The following CLDN10 variants were observed in gnomAD, a reference collection of about 807,000 sequenced individuals.
CLDN10 encodes claudin 10.
Under a neutral mutation model 22.9 loss-of-function variants are expected in CLDN10, and 15 were observed. The ratio of observed to expected loss-of-function variants is 0.65; its 90% CI spans 0.44 to 1.01. CLDN10 has a LOEUF of 1.01. Among genes scored for constraint, CLDN10 ranks in the 50% least tolerant of loss-of-function variants. The pLI is 0.00. For synonymous variants in CLDN10, 114 were observed against 111.4 expected, an observed-to-expected ratio of 1.02 and a Z score of -0.15; for missense variants, 247 against 287.8, an observed-to-expected ratio of 0.86 and a Z score of 1.03.
chr13:95,489,585 T>G (rs1226817370), intron 1 of CLDN10, among the ~76,000 whole-genome samples: 1 of 152,136 alleles, frequency 6.6e-6, no homozygotes, highest in Non-Finnish European at 1.5e-5. Context: ...TTTTTCTTAC[T>G]CATTTGAGCT....
At position 95,511,989 on chromosome 13, in the gene CLDN10, T is replaced by TC. The variant is rs1301187341; in HGVS notation, c.215-48135dup. Among the ~76,000 whole-genome samples, 16 of 132,806 alleles carry TC rather than the reference T, an allele frequency of 1.2e-4. 1 individual carries two copies. Among genetic ancestry groups the TC allele is most frequent in the South Asian group, 2.5e-4 (1 of 4,078 alleles). The allele number at this position is 132,806 out of a possible 152,430, so 87.1% of individuals were successfully genotyped here. Reference sequence around the variant, plus strand: ...ACATTAGGTATATCTCCTAATGCTATCCCCCCCCTCTCCCCCCACCCCACA... The same window carrying TC: ...ACATTAGGTATATCTCCTAATGCTATCCCCCCCCCTCTCCCCCCACCCCACA... On this transcript the variant is annotated intron_variant, in intron 1 of 4. Coordinates refer to the CLDN10 transcript ENST00000376873.
At chr13:95,435,050 T>C (rs2139057308) in intron 1 of CLDN10, among the ~76,000 whole-genome samples, 1 of 152,324 alleles carries the variant, frequency 6.6e-6, no homozygotes, top group African/African-American at 2.4e-5. Flanking sequence ...GCTTTCATCG[T>C]TGTGCATATT....
chr13:95,552,310 C>G (rs1277524147), upstream of CLDN10, among the ~76,000 whole-genome samples: 4 of 136,656 alleles, frequency 2.9e-5, no homozygotes, highest in African/African-American at 5.4e-5. Context: ...ATGCAAAAGG[C>G]TTTTCCTGCT....
intron 1 of CLDN10, among the ~76,000 whole-genome samples, chr13:95,449,761 T>TTTTTTA: frequency 6.7e-6 from 1 of 149,980 alleles, no homozygotes; most frequent in East Asian, 2.0e-4. Context: ...TTTTTCTTTT[T>TTTTTTA]GAGGCAGAAT....
intron 1 of CLDN10, among the ~76,000 whole-genome samples, chr13:95,544,236 A>G (rs947108795): frequency 6.6e-6 from 1 of 152,256 alleles, no homozygotes; most frequent in African/African-American, 2.4e-5. Context: ...AGTCAAGAAT[A>G]AACAGAGTAT....
At chr13:95,577,392 C>A in intron 4 of CLDN10, 54 bp downstream of exon 4, 3 of 1,109,724 alleles carry the variant, frequency 2.7e-6, no homozygotes, top group South Asian at 2.5e-5. Flanking sequence ...TATCATAAAT[C>A]ATTACATGTG....
At chr13:95,504,137 C>A (rs2043013583) in intron 1 of CLDN10, among the ~76,000 whole-genome samples, 1 of 152,150 alleles carries the variant, frequency 6.6e-6, no homozygotes, top group South Asian at 2.1e-4. Flanking sequence ...GCCAGCCAAG[C>A]AAGCAAATAT....
intron 1 of CLDN10, among the ~76,000 whole-genome samples, chr13:95,521,169 C>A (rs1283646966): frequency 1.3e-5 from 2 of 151,982 alleles, no homozygotes; most frequent in African/African-American, 2.4e-5. Flanking sequence ...GTTCTTATAC[C>A]ATTTGTTTCT....
intron 1 of CLDN10, among the ~76,000 whole-genome samples, chr13:95,516,334 G>A (rs1460479410): frequency 2.6e-5 from 4 of 152,232 alleles, no homozygotes; most frequent in African/African-American, 4.8e-5. Context: ...CAGCATTGAA[G>A]TCCAACTCTT....
chr13:95,500,150 A>G (rs773584882), intron 1 of CLDN10, among the ~76,000 whole-genome samples: 20 of 152,126 alleles, frequency 1.3e-4, no homozygotes, highest in Non-Finnish European at 1.9e-4. Context: ...TTGAGAATAT[A>G]TCCTCGAATA....
intron 1 of CLDN10, among the ~76,000 whole-genome samples, chr13:95,542,887 C>T (rs1019542428): frequency 2.6e-5 from 4 of 152,160 alleles, no homozygotes; most frequent in African/African-American, 9.7e-5. Context: ...CTCACACTCA[C>T]ATTTGTCCAG....
At chr13:95,559,614 C>T (rs1052165811) in intron 1 of CLDN10, among the ~76,000 whole-genome samples, 4 of 152,134 alleles carry the variant, frequency 2.6e-5, no homozygotes, top group Non-Finnish European at 5.9e-5. Flanking sequence ...AGGTTTGACC[C>T]TTTGGATCTC....
At chr13:95,492,479 C>G (rs1358854445) in intron 1 of CLDN10, among the ~76,000 whole-genome samples, 3 of 152,086 alleles carry the variant, frequency 2.0e-5, no homozygotes, top group African/African-American at 4.8e-5. Flanking sequence ...CACCCAGCTC[C>G]CACAGAAACC....
intron 1 of CLDN10, among the ~76,000 whole-genome samples, chr13:95,469,488 G>C (rs938730687): frequency 2.0e-5 from 3 of 152,094 alleles, no homozygotes; most frequent in Admixed American, 6.5e-5. Context: ...AGCCACAGAG[G>C]GTTACAGTGG....
intron 1 of CLDN10, among the ~76,000 whole-genome samples, chr13:95,464,254 T>C (rs1190760723): frequency 6.6e-6 from 1 of 151,896 alleles, no homozygotes; most frequent in Non-Finnish European, 1.5e-5. Context: ...CCTCCCGCCT[T>C]CCCCCACCCC....
Position 95,578,041 on chromosome 13 carries a change from G to T in CLDN10, c.*27G>T. The T allele has an allele frequency of 7.2e-7, 1 of 1,382,852 alleles. No individual in the cohort carries two copies. The highest frequency in any genetic ancestry group is 1.2e-5 in the South Asian group (1 of 83,800). The allele number at this position is 1,382,852 out of a possible 1,614,324, so 85.7% of individuals were successfully genotyped here. A position where few individuals can be genotyped will look rare whatever the true frequency, so the allele number is the denominator to read the frequency against. On this transcript the variant is annotated 3_prime_UTR_variant, in exon 5 of 5. Coordinates refer to ENST00000299339, the MANE Select transcript of CLDN10 (RefSeq NM_006984.5). ...AGAGCTCGCTGGCAAGCTGCCTCTT[G>T]AGTTTGTTATAAAAGCGAACTGTTC...
chr13:95,527,231 G>A (rs772553654), intron 1 of CLDN10, among the ~76,000 whole-genome samples: 4 of 152,156 alleles, frequency 2.6e-5, no homozygotes, highest in Non-Finnish European at 4.4e-5. Context: ...TACTGTTCAT[G>A]AATGCTATTT....
chr13:95,464,960 C>G (rs907569997), intron 1 of CLDN10, among the ~76,000 whole-genome samples: 1 of 152,170 alleles, frequency 6.6e-6, no homozygotes, highest in Non-Finnish European at 1.5e-5. Flanking sequence ...CTCCTGACCT[C>G]AAGTCATCCG....
In CLDN10 at chr13:95,552,912, C is replaced by T. The variant is rs762701437; in HGVS notation, c.159C>T (p.Cys53=). The T allele has an allele frequency of 2.5e-6, 4 of 1,614,088 alleles. No homozygotes were observed. The highest frequency in any genetic ancestry group is 1.3e-5 in the African/African-American group (1 of 75,044). ...ATTGGGCCAACCTGTGGAAGGCGTG[C>T]GTTACCGACTCCACGGGCGTCTCCA... ...ATYWANLWKA[C]VTDSTGVSNC... is the part of the protein sequence containing the mutation. The change falls in exon 1 of 5, where the codon TGC becomes TGT. Residue 53 remains cysteine, a synonymous_variant. Transcript: ENST00000299339.
Sources: allele counts gnomAD v4.1 joint callset (sites outside exome capture counted in the v4.1 genomes callset), GRCh38; gene constraint gnomAD v4.1.1; transcripts MANE v1.5; gene names NCBI Gene and HGNC (gene_info 2026-07-23, HGNC 2026-07-21).